Variants in PRKN observed in about 807,000 individuals in gnomAD.
PRKN encodes the protein parkin RBR E3 ubiquitin protein ligase.
Under a neutral mutation model 59.5 loss-of-function variants are expected in PRKN, and 56 were observed. The ratio of observed to expected loss-of-function variants is 0.94; its 90% confidence interval spans 0.76 to 1.18. The LOEUF (loss-of-function observed/expected upper bound fraction) is 1.18, where lower values mean the gene tolerates loss of function less well. Among genes scored for constraint, PRKN ranks in the 50% most tolerant of loss-of-function variants. The pLI, the probability that PRKN is intolerant of heterozygous loss-of-function variation, is 0.00. For synonymous variants in PRKN, 250 were observed against 222.1 expected (o/e 1.13, Z -1.12); for missense variants, 657 against 596.4 (o/e 1.10, Z -1.06).
chr6:161,777,683 A>T lies in PRKN; in HGVS notation c.871+8089T>A, dbSNP rs568877416. Among the ~76,000 whole-genome samples, 14 of 143,418 alleles carry T rather than the reference A, an allele frequency of 9.8e-5. No homozygotes were observed. In the South Asian group the frequency reaches 1.1e-3, roughly 11 times the overall value. The allele number at this position is 143,418 out of a possible 152,430, so 94.1% of individuals were successfully genotyped here. A position where few individuals can be genotyped will look rare whatever the true frequency, so the allele number is the denominator to read the frequency against. ...ATTATATATATGAGAATATATATATAATATATATATACACAATATATAAGA... is the reference window on the plus strand; with the variant it reads ...ATTATATATATGAGAATATATATATTATATATATATACACAATATATAAGA... On this transcript the variant is annotated intron_variant, in intron 7 of 11. Transcript: ENST00000366898.
intron 1 of PRKN, among the ~76,000 whole-genome samples, chr6:162,574,902 T>C (rs1307919807): frequency 3.5e-5 from 5 of 142,834 alleles, no homozygotes; most frequent in Non-Finnish European, 6.1e-5. Context: ...CTGAGTGGAC[T>C]TGGCAACAGT....
In PRKN at chr6:162,056,279, A is replaced by G. The variant is rs1777862523; in HGVS notation, c.535-2105T>C. Among the ~76,000 whole-genome samples, 1 of 148,938 alleles carries G rather than the reference A, an allele frequency of 6.7e-6. No homozygotes were observed. The highest frequency in any genetic ancestry group is 1.5e-5 in the Non-Finnish European group (1 of 67,138). On this transcript the variant is annotated intron_variant, in intron 4 of 11. Transcript: ENST00000366898. This position sits in a 1 kb window ranked among gnomAD's most constrained non-coding sequence, Gnocchi z 4.9. ...CATCCAAACACATACATGCACACCA[A>G]GACACACCACACATGCATAAACACA... is the stretch of plus-strand genomic sequence containing the variant.
intron 10 of PRKN, among the ~76,000 whole-genome samples, chr6:161,380,288 T>C (rs1785910229): frequency 6.6e-6 from 1 of 152,182 alleles, no homozygotes. Flanking sequence ...GGTCCCACTT[T>C]TATGCTTCCA....
At chr6:162,459,060 T>C (rs1463435413) in intron 1 of PRKN, among the ~76,000 whole-genome samples, 1 of 152,162 alleles carries the variant, frequency 6.6e-6, no homozygotes, top group Non-Finnish European at 1.5e-5. Flanking sequence ...CCCCAGGTGA[T>C]CCACCCTCCT....
At chr6:162,085,976 C>T (rs1186583837) in intron 4 of PRKN, among the ~76,000 whole-genome samples, 1 of 152,144 alleles carries the variant, frequency 6.6e-6, no homozygotes, top group Non-Finnish European at 1.5e-5. Flanking sequence ...CTACTCTATC[C>T]ATCCTATTAG....
At chr6:162,331,517 T>A (rs75822135) in intron 2 of PRKN, among the ~76,000 whole-genome samples, 1 of 152,198 alleles carries the variant, frequency 6.6e-6, no homozygotes, top group Non-Finnish European at 1.5e-5. Flanking sequence ...GCTTCCCATC[T>A]TTCTTCCTAC....
At chr6:162,372,066 A>G (rs993647144) in intron 2 of PRKN, among the ~76,000 whole-genome samples, 1 of 152,194 alleles carries the variant, frequency 6.6e-6, no homozygotes, top group Non-Finnish European at 1.5e-5. Context: ...AGAAAGCTGG[A>G]GTGGACGCCA....
At chr6:162,588,847 G>A (rs567905350) in intron 1 of PRKN, among the ~76,000 whole-genome samples, 10 of 152,058 alleles carry the variant, frequency 6.6e-5, no homozygotes, top group African/African-American at 9.7e-5. Flanking sequence ...CACCGCGCCC[G>A]GCCCAGAGCT....
At chr6:162,332,775 G>A (rs879691789) in intron 2 of PRKN, among the ~76,000 whole-genome samples, 1 of 151,920 alleles carries the variant, frequency 6.6e-6, no homozygotes, top group Non-Finnish European at 1.5e-5. Context: ...CAACATCCAC[G>A]ACAGCCCCCA....
At chr6:162,080,223 T>C (rs1411098442) in intron 4 of PRKN, among the ~76,000 whole-genome samples, 1 of 152,162 alleles carries the variant, frequency 6.6e-6, no homozygotes, top group Non-Finnish European at 1.5e-5. Context: ...AGATTCATTA[T>C]TTATATATGA....
At chr6:161,849,580 T>C (rs1793340862) in intron 6 of PRKN, among the ~76,000 whole-genome samples, 1 of 152,196 alleles carries the variant, frequency 6.6e-6, no homozygotes, top group Admixed American at 6.5e-5. Context: ...CATGCACTGA[T>C]TTACCTGCCT....
In PRKN at chr6:161,434,646, G is replaced by A. The variant is rs117339141; in HGVS notation, c.1084-47769C>T. On this transcript the variant is annotated intron_variant, in intron 9 of 11. Coordinates refer to ENST00000366898, the MANE Select transcript of PRKN (RefSeq NM_004562.3). ...GCTGAGCAAGTCATATCATCTCCTG[G>A]AGCCTTAATTTTCTCATTTGTAAAA... is the stretch of plus-strand genomic sequence containing the variant. Among the ~76,000 whole-genome samples, 1,211 of 152,156 alleles carry A rather than the reference G, an allele frequency of 8.0e-3. 13 individuals are homozygous for A. The highest frequency in any genetic ancestry group is 0.061 in the East Asian group (314 of 5,178).
At chr6:162,137,942 G>A (rs1261700889) in intron 4 of PRKN, among the ~76,000 whole-genome samples, 7 of 151,844 alleles carry the variant, frequency 4.6e-5, no homozygotes, top group East Asian at 1.9e-4. Flanking sequence ...GAGGTAATGC[G>A]GGACTGTGAT....
At chr6:162,306,724 C>G (rs1377965195) in intron 2 of PRKN, among the ~76,000 whole-genome samples, 1 of 152,162 alleles carries the variant, frequency 6.6e-6, no homozygotes, top group Non-Finnish European at 1.5e-5. Flanking sequence ...CAATCTCTGA[C>G]TTCAAGGGAT....
chr6:161,699,228 T>C (rs1646515999), intron 7 of PRKN, among the ~76,000 whole-genome samples: 1 of 152,078 alleles, frequency 6.6e-6, no homozygotes, highest in African/African-American at 2.4e-5. Context: ...GTGTTGAGAA[T>C]GAGGTGGAGG....
intron 9 of PRKN, among the ~76,000 whole-genome samples, chr6:161,426,644 T>TACACACACACACACACACAC (rs546537464): frequency 7.1e-4 from 22 of 31,048 alleles, no homozygotes; most frequent in Admixed American, 2.5e-3. Context: ...AACTCCCCTT[T>TACACACACACACACACACAC]ACACACACAC....
At chr6:161,765,761 T>C (rs567454113) in intron 7 of PRKN, among the ~76,000 whole-genome samples, 1 of 152,330 alleles carries the variant, frequency 6.6e-6, no homozygotes, top group Admixed American at 6.5e-5. Flanking sequence ...TTACTCCCTC[T>C]GAAACCAACA....
rs1184603817 is a variant in PRKN at position 161,459,152 on chromosome 6, C to G, written c.1084-72275G>C. On this transcript the variant is annotated intron_variant, in intron 9 of 11. Coordinates refer to ENST00000366898, the MANE Select transcript of PRKN (RefSeq NM_004562.3). This position sits in a 1 kb window ranked among gnomAD's most constrained non-coding sequence, Gnocchi z 4.8. ...TACTTTCAGAAGTGGTACTTAGCAC[C>G]TGCCCTCAGTGATCACCATTTTTCA... Among the ~76,000 whole-genome samples, 1 of 152,164 alleles carries G rather than the reference C, an allele frequency of 6.6e-6. No homozygotes were observed. The highest frequency in any genetic ancestry group is 1.5e-5 in the Non-Finnish European group (1 of 68,036).
intron 9 of PRKN, among the ~76,000 whole-genome samples, chr6:161,425,634 G>T (rs1470158555): frequency 1.3e-5 from 2 of 152,120 alleles, no homozygotes; most frequent in Non-Finnish European, 2.9e-5. Context: ...TCCCCAGTCA[G>T]ACATGATAAA....
Sources: allele counts gnomAD v4.1 joint callset (sites outside exome capture counted in the v4.1 genomes callset), GRCh38; gene constraint gnomAD v4.1.1; non-coding constraint Gnocchi (gnomAD v3.1); transcripts MANE v1.5; gene names NCBI Gene and HGNC (gene_info 2026-07-23, HGNC 2026-07-21).